Variants in CFAP44 observed in about 807,000 individuals in gnomAD.
CFAP44 encodes cilia- and flagella-associated protein 44.
In CFAP44, 134 loss-of-function variants were observed where a neutral mutation model predicts 216.2. That is an observed-to-expected ratio of 0.62 (90% confidence interval 0.54 to 0.72). CFAP44 has a LOEUF of 0.72. Among genes scored for constraint, CFAP44 ranks in the 30% least tolerant of loss-of-function variants. CFAP44 has a pLI of 0.00. For missense variants in CFAP44, 2,035 were observed against 2,182.1 expected (o/e 0.93, Z 1.34); for synonymous variants, 700 against 727.6 (o/e 0.96, Z 0.61).
chr3:113,398,938 G>A (rs542519200), intron 13 of CFAP44, among the ~76,000 whole-genome samples: 2 of 152,234 alleles, frequency 1.3e-5, no homozygotes, highest in Admixed American at 1.3e-4. Flanking sequence ...AATCAAGTAT[G>A]GTAGAAGTGA....
In CFAP44 at chr3:113,426,262, G is replaced by T; in HGVS notation, c.269C>A (p.Pro90His). ...CTCTGCTTCTTCCACAGCTGGAGCA[G>T]GGGTTTGCTGAGGTACTAAAAAAAT... ...LQSTTVPQQT[P>H]APAVEEAEEE... The change falls in exon 4 of 35, where the codon CCT becomes CAT. Residue 90 changes from proline (P) to histidine (H), a missense_variant. Around this residue, in one of 3 missense-constraint regions of CFAP44, gnomAD observed 149 missense variants for 141.8 expected, o/e 1.05. Coordinates refer to ENST00000393845, the MANE Select transcript of CFAP44 (RefSeq NM_001164496.2). 1 of 1,613,818 alleles carries T rather than the reference G, an allele frequency of 6.2e-7. No individual in the cohort carries two copies. Among genetic ancestry groups the T allele is most frequent in the Non-Finnish European group, 8.5e-7 (1 of 1,179,898 alleles).
chr3:113,435,858 CGTGTGTGTGTGTGT>C (rs59468932), intron 1 of CFAP44, among the ~76,000 whole-genome samples: 1 of 147,770 alleles, frequency 6.8e-6, no homozygotes, highest in Admixed American at 6.8e-5. Flanking sequence ...AGTGTATGTA[CGTGTGTGTGTGTGT>C]GTGTGTGTGT....
intron 25 of CFAP44, among the ~76,000 whole-genome samples, chr3:113,331,022 A>G (rs973036182): frequency 6.6e-6 from 1 of 152,150 alleles, no homozygotes; most frequent in Non-Finnish European, 1.5e-5. Context: ...CCAGGGAGGA[A>G]GGGAAAGGCA....
intron 15 of CFAP44, among the ~76,000 whole-genome samples, chr3:113,382,002 A>G (rs889132366): frequency 6.6e-6 from 1 of 152,200 alleles, no homozygotes; most frequent in Non-Finnish European, 1.5e-5. Context: ...TGTATAAATT[A>G]TAATTATATA....
intron 28 of CFAP44, among the ~76,000 whole-genome samples, chr3:113,320,524 G>A (rs1053515500): frequency 7.2e-5 from 9 of 125,830 alleles, no homozygotes; most frequent in Non-Finnish European, 1.4e-4. Flanking sequence ...AGTACTTAAT[G>A]AAGTTATATA....
chr3:113,305,380 T>C (rs764818073), intron 30 of CFAP44, among the ~76,000 whole-genome samples: 6 of 152,238 alleles, frequency 3.9e-5, no homozygotes, highest in East Asian at 1.9e-4. Flanking sequence ...TCCAGAGTTA[T>C]AAAGTTTTGT....
intron 18 of CFAP44, among the ~76,000 whole-genome samples, chr3:113,372,954 G>C (rs1374335747): frequency 1.3e-5 from 2 of 152,102 alleles, no homozygotes; most frequent in African/African-American, 4.8e-5. Flanking sequence ...TTTTATTGTG[G>C]CAGCCCTAGC....
intron 28 of CFAP44, among the ~76,000 whole-genome samples, chr3:113,313,905 C>T (rs1032661047): frequency 6.6e-6 from 1 of 152,170 alleles, no homozygotes; most frequent in Admixed American, 6.5e-5. Context: ...CAGACTAATA[C>T]ACCAAGATAA....
chr3:113,388,296 A>C (rs957085942), intron 15 of CFAP44, among the ~76,000 whole-genome samples: 2 of 152,232 alleles, frequency 1.3e-5, no homozygotes, highest in African/African-American at 4.8e-5. Flanking sequence ...CTTGCTTATT[A>C]GTTTGTTTAT....
chr3:113,379,507 C>G lies in CFAP44; in HGVS notation c.2097G>C (p.Lys699Asn). Reference protein sequence around the residue: ...IEKRERQRELKEKIREERRNK... With the variant: ...IEKRERQRELNEKIREERRNK... ...TCCTCCTTTCTTCCCTTATTTTCTC[C>G]TTCAACTCCCTTTGTCTCTCCCTCT... The change falls in exon 17 of 35, where the codon AAG becomes AAC. Residue 699 changes from lysine (K) to asparagine (N), a missense_variant. Around this residue, in one of 3 missense-constraint regions of CFAP44, gnomAD observed 1,883 missense variants for 2,023.7 expected, o/e 0.93. Transcript: ENST00000393845. 2 of 1,602,808 alleles carry G rather than the reference C, an allele frequency of 1.2e-6. No homozygotes were observed. Among genetic ancestry groups the G allele is most frequent in the Non-Finnish European group, 1.7e-6 (2 of 1,170,118 alleles).
chr3:113,426,393 G>C, intron 3 of CFAP44, 116 bp from the exon 4 acceptor site: 1 of 1,125,716 alleles, frequency 8.9e-7, no homozygotes, highest in Non-Finnish European at 1.2e-6. Context: ...GACCTGGTAG[G>C]AGGTAATTGA....
intron 22 of CFAP44, among the ~76,000 whole-genome samples, chr3:113,346,012 A>C (rs1950378072): frequency 6.6e-6 from 1 of 152,160 alleles, no homozygotes; most frequent in South Asian, 2.1e-4. Flanking sequence ...TGAGACCCAG[A>C]TTAACATTGA....
chr3:113,397,904 A>C (rs540336945), intron 13 of CFAP44, among the ~76,000 whole-genome samples: 66 of 152,250 alleles, frequency 4.3e-4, no homozygotes, highest in African/African-American at 1.4e-3. Flanking sequence ...GGTCCCCTTG[A>C]GATTTTAAAA....
intron 15 of CFAP44, among the ~76,000 whole-genome samples, chr3:113,393,051 C>A (rs1933888723): frequency 6.6e-6 from 1 of 152,160 alleles, no homozygotes; most frequent in Non-Finnish European, 1.5e-5. Flanking sequence ...TCTGTGTGTA[C>A]ATGGGACGCA....
In CFAP44 at chr3:113,338,255, C is replaced by CAA. The variant is rs10574877; in HGVS notation, c.3437+3487_3437+3488dup. On this transcript the variant is annotated intron_variant, in intron 24 of 34. Coordinates refer to ENST00000393845, the MANE Select transcript of CFAP44 (RefSeq NM_001164496.2). ...CTGGACAACACACGAGACAATGTCT[C>CAA]AAAAAAAAAAAAAAAAAAAAAAAAA... 1.6e-3 allele frequency among the ~76,000 whole-genome samples: 67 copies of CAA among 43,042 alleles called. 14 individuals are homozygous for CAA. Among genetic ancestry groups the CAA allele is most frequent in the African/African-American group, 7.2e-3 (63 of 8,728 alleles). 28.2% of individuals were successfully genotyped at this position (43,042 alleles called of 152,430 possible).
chr3:113,362,919 A>G, intron 21 of CFAP44: 3 of 1,277,418 alleles, frequency 2.3e-6, no homozygotes, highest in Non-Finnish European at 2.9e-6. Flanking sequence ...TTCTATAACA[A>G]CAGTTGATGT....
intron 4 of CFAP44, among the ~76,000 whole-genome samples, chr3:113,422,053 T>C (rs72944589): frequency 0.013 from 1,862 of 146,134 alleles, 29 homozygotes; most frequent in African/African-American, 0.047. Context: ...TAAATGTATA[T>C]TGTTAGTATG....
intron 15 of CFAP44, among the ~76,000 whole-genome samples, chr3:113,394,578 T>C (rs1253217813): frequency 2.0e-5 from 3 of 152,226 alleles, no homozygotes; most frequent in South Asian, 2.1e-4. Flanking sequence ...TCTTCCTTTC[T>C]TGATAGTTCC....
chr3:113,306,713 C>T (rs1949989023), intron 29 of CFAP44, among the ~76,000 whole-genome samples: 1 of 152,150 alleles, frequency 6.6e-6, no homozygotes, highest in African/African-American at 2.4e-5. Flanking sequence ...CATTATCTCT[C>T]TATTATTTCC....
Sources: gnomAD v4.1 joint callset for allele counts (sites outside exome capture counted in the v4.1 genomes callset) on GRCh38, gnomAD v4.1.1 for gene constraint, gnomAD v4.1.1 regional missense constraint, MANE v1.5 for transcripts, NCBI Gene and HGNC (gene_info 2026-07-23, HGNC 2026-07-21) for gene names.